The following COL25A1 variants were observed in gnomAD, a reference collection of about 807,000 sequenced individuals.
The protein encoded by COL25A1 is collagen alpha-1(XXV) chain.
COL25A1 carries 103 observed loss-of-function variants against 128.4 expected under a neutral mutation model. That is an observed-to-expected ratio of 0.80 (90% CI 0.68 to 0.94). The LOEUF (loss-of-function observed/expected upper bound fraction) is 0.94. Among genes scored for constraint, COL25A1 ranks in the 40% least tolerant of loss-of-function variants. The pLI is 0.00. For synonymous variants in COL25A1, 279 were observed against 277.2 expected (o/e 1.01, Z -0.06); for missense variants, 745 against 840.0 (o/e 0.89, Z 1.40).
At chr4:109,028,123 T>TATTC (rs1319954689) in intron 5 of COL25A1, among the ~76,000 whole-genome samples, 1 of 152,212 alleles carries the variant, frequency 6.6e-6, no homozygotes, top group Admixed American at 6.5e-5. Flanking sequence ...TTCATTTATT[T>TATTC]ATTCATTCAT....
Position 108,889,858 on chromosome 4 carries a change from G to A in COL25A1, c.907-125C>T, listed in dbSNP as rs370115044. The A allele has an allele frequency of 2.4e-5, 17 of 718,506 alleles. 1 individual carries two copies. Among genetic ancestry groups the A allele is most frequent in the African/African-American group, 1.4e-4 (8 of 55,556 alleles). 44.5% of individuals were successfully genotyped at this position (718,506 alleles called of 1,614,324 possible). On this transcript the variant is annotated intron_variant, in intron 16 of 37. Coordinates refer to ENST00000399132, the MANE Select transcript of COL25A1 (RefSeq NM_198721.4). ...TCTCATGACTAATGTGCCTAACTAC[G>A]TTCCAGAAGACTTTGTACCAACATC...
chr4:108,988,226 T>C (rs1017776868), intron 6 of COL25A1, among the ~76,000 whole-genome samples: 1 of 152,234 alleles, frequency 6.6e-6, no homozygotes, highest in Admixed American at 6.5e-5. Flanking sequence ...TTCCACTCCC[T>C]TTCTCTCAAA....
chr4:108,974,797 A>C (rs1444203123), intron 6 of COL25A1, among the ~76,000 whole-genome samples: 2 of 152,208 alleles, frequency 1.3e-5, no homozygotes, highest in African/African-American at 4.8e-5. Flanking sequence ...ATGCTCAATA[A>C]ATTTTCACAA....
At chr4:109,203,652 A>G (rs528357958) in intron 3 of COL25A1, among the ~76,000 whole-genome samples, 2 of 152,232 alleles carry the variant, frequency 1.3e-5, no homozygotes, top group East Asian at 3.9e-4. Flanking sequence ...TACCATAGTG[A>G]TGAATTTGAT....
chr4:109,137,063 C>A (rs1769852000), intron 3 of COL25A1, among the ~76,000 whole-genome samples: 1 of 152,176 alleles, frequency 6.6e-6, no homozygotes, highest in South Asian at 2.1e-4. Flanking sequence ...AGACACCTGA[C>A]CCACAGAAAC....
At chr4:109,254,103 AAAG>A (rs1287174217) in intron 3 of COL25A1, among the ~76,000 whole-genome samples, 10 of 151,958 alleles carry the variant, frequency 6.6e-5, no homozygotes, top group African/African-American at 2.2e-4. Flanking sequence ...AAAAAAAAAA[AAAG>A]AATTGTTTAA....
At chr4:109,130,371 G>T (rs1769068003) in intron 3 of COL25A1, among the ~76,000 whole-genome samples, 1 of 151,874 alleles carries the variant, frequency 6.6e-6, no homozygotes, top group East Asian at 1.9e-4. Flanking sequence ...ACACATTAAA[G>T]AATTATAAAT....
At chr4:109,000,518 G>A (rs1755242722) in intron 6 of COL25A1, among the ~76,000 whole-genome samples, 1 of 152,106 alleles carries the variant, frequency 6.6e-6, no homozygotes, top group African/African-American at 2.4e-5. Flanking sequence ...GGCTGAGGCA[G>A]GAGGATCACC....
At chr4:109,163,782 C>T (rs1360793620) in intron 3 of COL25A1, among the ~76,000 whole-genome samples, 1 of 152,160 alleles carries the variant, frequency 6.6e-6, no homozygotes, top group African/African-American at 2.4e-5. Context: ...TCATCAAATC[C>T]TGCTGGTTTC....
chr4:109,215,137 G>C (rs1777884815), intron 3 of COL25A1, among the ~76,000 whole-genome samples: 1 of 152,118 alleles, frequency 6.6e-6, no homozygotes, highest in Non-Finnish European at 1.5e-5. Context: ...TAAAACAATA[G>C]CTGGCAGATA....
chr4:109,137,984 A>ATGTGTGTGTGTGTGTGTG lies in COL25A1; in HGVS notation c.368-87823_368-87806dup, dbSNP rs10700157. 4.7e-3 allele frequency among the ~76,000 whole-genome samples: 673 copies of ATGTGTGTGTGTGTGTGTG among 142,566 alleles called. 10 individuals carry two copies. The highest frequency in any genetic ancestry group is 0.014 in the African/African-American group (547 of 39,130). The allele number at this position is 142,566 out of a possible 152,430, so 93.5% of individuals were successfully genotyped here. ...AACAGAAATTTCATTTTATATATAT[A>ATGTGTGTGTGTGTGTGTG]TGTGTGTGTGTGTGTGTGTGTGTGT... On this transcript the variant is annotated intron_variant, in intron 3 of 37. Transcript: ENST00000399132.
chr4:109,070,063 TG>T (rs1246053560), intron 3 of COL25A1, among the ~76,000 whole-genome samples: 1 of 151,162 alleles, frequency 6.6e-6, no homozygotes, highest in Non-Finnish European at 1.5e-5. Context: ...GGAACCAGCC[TG>T]GCCAACAAGG....
intron 3 of COL25A1, among the ~76,000 whole-genome samples, chr4:109,177,992 CAT>C (rs1774252567): frequency 6.6e-6 from 1 of 152,168 alleles, no homozygotes; most frequent in Admixed American, 6.5e-5. Flanking sequence ...GAGAATTAAA[CAT>C]GAGTAGAATA....
intron 3 of COL25A1, among the ~76,000 whole-genome samples, chr4:109,299,836 T>C (rs1405128371): frequency 6.6e-6 from 1 of 152,146 alleles, no homozygotes; most frequent in East Asian, 1.9e-4. Flanking sequence ...GTCTAAGATA[T>C]CTACCAAGCC....
In COL25A1 at chr4:108,890,384, A is replaced by T. The variant is rs1051292189; in HGVS notation, c.907-651T>A. Among the ~76,000 whole-genome samples the T allele has an allele frequency of 2.2e-4, 34 of 152,106 alleles. 1 individual carries two copies. Among genetic ancestry groups the T allele is most frequent in the African/African-American group, 7.5e-4 (31 of 41,420 alleles). ...GATGGATGACTTGTGGGTGAGGGGG[A>T]CACATGTGAGCTCTGAGAGAAAGTC... On this transcript the variant is annotated intron_variant, in intron 16 of 37. Transcript: ENST00000399132.
intron 3 of COL25A1, among the ~76,000 whole-genome samples, chr4:109,222,907 T>C (rs1260204435): frequency 2.0e-5 from 3 of 152,254 alleles, no homozygotes; most frequent in African/African-American, 7.2e-5. Flanking sequence ...TATTAATTCT[T>C]AAAAAATTAT....
chr4:109,030,260 G>A (rs1381506676), intron 5 of COL25A1, among the ~76,000 whole-genome samples: 1 of 152,174 alleles, frequency 6.6e-6, no homozygotes, highest in African/African-American at 2.4e-5. Context: ...CTGACTCCCT[G>A]CCCCTTCTGG....
At chr4:109,233,546 T>A (rs1312138852) in intron 3 of COL25A1, among the ~76,000 whole-genome samples, 1 of 151,330 alleles carries the variant, frequency 6.6e-6, no homozygotes, top group African/African-American at 2.4e-5. Context: ...GAGCACTGAA[T>A]AAGCACTGGA....
chr4:109,058,373 A>G (rs763296319), intron 3 of COL25A1, among the ~76,000 whole-genome samples: 5 of 152,172 alleles, frequency 3.3e-5, no homozygotes, highest in South Asian at 2.1e-4. Context: ...ATTACATGCT[A>G]TGTAACAAGA....
Sources: gnomAD v4.1 joint callset for allele counts (sites outside exome capture counted in the v4.1 genomes callset) on GRCh38, gnomAD v4.1.1 for gene constraint, MANE v1.5 for transcripts, NCBI Gene and HGNC (gene_info 2026-07-23, HGNC 2026-07-21) for gene names.